Variants in NEDD1 observed in about 807,000 individuals in gnomAD.
NEDD1 encodes the protein protein NEDD1.
NEDD1 carries 33 observed loss-of-function variants against 74.0 expected under a neutral mutation model. The observed-to-expected ratio is 0.45, with a 90% CI of 0.34 to 0.60. The LOEUF is 0.60. Among genes scored for constraint, NEDD1 ranks in the 20% least tolerant of loss-of-function variants. NEDD1 has a pLI of 0.01. For synonymous variants in NEDD1, 250 were observed against 264.4 expected (o/e 0.95, Z 0.53); for missense variants, 746 against 776.5 (o/e 0.96, Z 0.47).
intron 6 of NEDD1, among the ~76,000 whole-genome samples, chr12:96,922,858 T>C (rs1875251281): frequency 6.6e-6 from 1 of 152,172 alleles, no homozygotes; most frequent in African/African-American, 2.4e-5. Context: ...TGGCTACCTG[T>C]AATCTCAGCA....
At chr12:96,915,637 G>C (rs1874358569) in intron 4 of NEDD1, among the ~76,000 whole-genome samples, 1 of 152,172 alleles carries the variant, frequency 6.6e-6, no homozygotes, top group African/African-American at 2.4e-5. Flanking sequence ...CAACTAATGT[G>C]ACTTCGTAGT....
At chr12:96,925,872 A>G (rs1415540043) in intron 6 of NEDD1, among the ~76,000 whole-genome samples, 1 of 152,170 alleles carries the variant, frequency 6.6e-6, no homozygotes, top group Non-Finnish European at 1.5e-5. Flanking sequence ...GCATCTCTGT[A>G]GGATCTTCTG....
intron 4 of NEDD1, among the ~76,000 whole-genome samples, chr12:96,913,167 C>T (rs1874095534): frequency 6.6e-6 from 1 of 152,040 alleles, no homozygotes; most frequent in Non-Finnish European, 1.5e-5. Flanking sequence ...TCTAATGACA[C>T]AGCACTGCTT....
intron 8 of NEDD1, 55 bp from the exon 9 acceptor site, chr12:96,937,143 T>C: frequency 2.1e-6 from 2 of 940,102 alleles, no homozygotes; most frequent in Non-Finnish European, 1.5e-6. Flanking sequence ...AAAATATTAA[T>C]GTATAGTATG....
rs1294841948 is a variant in NEDD1 at position 96,930,816 on chromosome 12, A to G, written c.490-4160A>G. 5.3e-5 allele frequency among the ~76,000 whole-genome samples: 8 copies of G among 152,106 alleles called. No homozygotes were observed. The East Asian group carries it at 1.2e-3, about 22-fold the overall frequency. On this transcript the variant is annotated intron_variant, in intron 6 of 15. Coordinates refer to ENST00000266742, the MANE Select transcript of NEDD1 (RefSeq NM_152905.4). Reference sequence around the variant, plus strand: ...GTCTCAGGCCTGCTTTTCTACATACACATACACACACATACATGCACACAC... The same window carrying G: ...GTCTCAGGCCTGCTTTTCTACATACGCATACACACACATACATGCACACAC...
In NEDD1 at chr12:96,940,545, T is replaced by A. The variant is rs182038373; in HGVS notation, c.1246+8T>A. ...TCTCACCTATCAGAGATGGTAAGTCTGTTCAGAGGATCCTGTTCTCTTGCT... is the reference window on the plus strand; with the variant it reads ...TCTCACCTATCAGAGATGGTAAGTCAGTTCAGAGGATCCTGTTCTCTTGCT... On this transcript the variant is annotated splice_region_variant and intron_variant, in intron 10 of 15. Transcript: ENST00000266742. 6.3e-6 allele frequency: 10 copies of A among 1,586,070 alleles called. No individual in the cohort carries two copies. Among genetic ancestry groups the A allele is most frequent in the Non-Finnish European group, 8.6e-6 (10 of 1,161,868 alleles).
intron 3 of NEDD1, among the ~76,000 whole-genome samples, chr12:96,910,438 A>G (rs1443153351): frequency 6.6e-6 from 1 of 152,242 alleles, no homozygotes; most frequent in Admixed American, 6.5e-5. Flanking sequence ...CTAAACAGAC[A>G]TAGTAAAGTT....
chr12:96,942,682 C>G (rs1592924620), intron 11 of NEDD1, 58 bp downstream of exon 11: 1 of 836,786 alleles, frequency 1.2e-6, no homozygotes, highest in African/African-American at 1.7e-5. Flanking sequence ...ATTATCTATG[C>G]TGTGTAACAA....
At chr12:96,944,277 C>G (rs1039166323) in intron 12 of NEDD1, among the ~76,000 whole-genome samples, 1 of 151,788 alleles carries the variant, frequency 6.6e-6, no homozygotes, top group African/African-American at 2.4e-5. Flanking sequence ...GAAAAGATAC[C>G]ATGTAAGAAG....
Position 96,944,755 on chromosome 12 carries a change from G to C in NEDD1, c.1614G>C (p.Gln538His), listed in dbSNP as rs1878026543. Reference protein sequence around the residue: ...FEKPENEIEAQLICEPPINGS... With the variant: ...FEKPENEIEAHLICEPPINGS... The stretch of plus-strand genomic sequence containing the variant: ...AGCCAGAGAATGAAATTGAAGCCCA[G>C]TTGATATGTGAACCCCCAATCAATG... Residue 538 changes from glutamine (Q) to histidine (H), a missense_variant, in exon 13 of 16, where the codon CAG becomes CAC. By Grantham distance (24) the Gln-to-His change is conservative. This residue lies in a region of NEDD1 where 706 missense variants were observed against 706.7 expected (regional missense o/e 1.00). Transcript: ENST00000266742. 1 of 1,587,032 alleles carries C rather than the reference G, an allele frequency of 6.3e-7. No individual in the cohort carries two copies. The highest frequency in any genetic ancestry group is 1.4e-5 in the African/African-American group (1 of 73,022).
intron 5 of NEDD1, among the ~76,000 whole-genome samples, chr12:96,919,094 T>C (rs993353410): frequency 1.3e-5 from 2 of 152,234 alleles, no homozygotes; most frequent in Non-Finnish European, 2.9e-5. Context: ...TTAAAAACTC[T>C]TCTCCCAATT....
At position 96,909,732 on chromosome 12, in the gene NEDD1, T is replaced by C. The variant is rs201744935; in HGVS notation, c.-8-20T>C. 5 of 1,586,446 alleles carry C rather than the reference T, an allele frequency of 3.2e-6. No individual in the cohort carries two copies. In the South Asian group the frequency reaches 3.4e-5, roughly 11 times the overall value. On this transcript the variant is annotated intron_variant, in intron 2 of 15. Transcript: ENST00000266742. ...TATTCTTAAATGTTTTTAAAATACA[T>C]TGTTTTAAACTATTTGTAGGCGCAG...
At chr12:96,910,055 T>C (rs998070158) in intron 3 of NEDD1, among the ~76,000 whole-genome samples, 160 bp downstream of exon 3, 1 of 152,194 alleles carries the variant, frequency 6.6e-6, no homozygotes, top group Admixed American at 6.5e-5. Flanking sequence ...TACAAAACAA[T>C]ATATCATATG....
rs1234666702 is a variant in NEDD1, at chr12:96,943,610, C to T, written c.1345C>T (p.Pro449Ser). The T allele has an allele frequency of 1.2e-6, 2 of 1,613,182 alleles. No individual in the cohort carries two copies. Among genetic ancestry groups the T allele is most frequent in the Admixed American group, 1.7e-5 (1 of 59,976 alleles). ...CTCAGTGTTTCCTCCAAGAAAAAATCCAGTAACTTCAAGTACTTCAGTATT... is the reference window on the plus strand; with the variant it reads ...CTCAGTGTTTCCTCCAAGAAAAAATTCAGTAACTTCAAGTACTTCAGTATT... ...LNSVFPPRKNPVTSSTSVLHS... is the reference protein window; with the variant it reads ...LNSVFPPRKNSVTSSTSVLHS... The change falls in exon 12 of 16, where the codon CCA becomes TCA. Residue 449 changes from proline (P) to serine (S), a missense_variant. Coordinates refer to ENST00000266742, the MANE Select transcript of NEDD1 (RefSeq NM_152905.4).
chr12:96,907,595 T>A lies in NEDD1; in HGVS notation c.-261-9T>A. 1 of 1,551,064 alleles carries A rather than the reference T, an allele frequency of 6.4e-7. No individual in the cohort carries two copies. The highest frequency in any genetic ancestry group is 8.7e-7 in the Non-Finnish European group (1 of 1,146,430). Reference sequence around the variant, plus strand: ...TTTTTGTCAACCTCAAGTACTTTTCTTTTGGCAGGTACTTGGATGCATTTT... The same window carrying A: ...TTTTTGTCAACCTCAAGTACTTTTCATTTGGCAGGTACTTGGATGCATTTT... On this transcript the variant is annotated splice_polypyrimidine_tract_variant and intron_variant, in intron 1 of 15. Coordinates refer to ENST00000266742, the MANE Select transcript of NEDD1 (RefSeq NM_152905.4).
rs926240535 is a variant in NEDD1 at position 96,932,380 on chromosome 12, G to A, written c.490-2596G>A. On this transcript the variant is annotated intron_variant, in intron 6 of 15. Transcript: ENST00000266742. ...CCAGCACTTTGGGAAGCTGAGGCAG[G>A]TGGAGTGCTTGAGTCCAGGAGTTTG... 2.9e-5 allele frequency among the ~76,000 whole-genome samples: 4 copies of A among 136,542 alleles called. No individual in the cohort carries two copies. In the East Asian group the frequency reaches 6.5e-4, roughly 22 times the overall value. The allele number at this position is 136,542 out of a possible 152,430, so 89.6% of individuals were successfully genotyped here.
At chr12:96,932,461 A>AT (rs60535832) in intron 6 of NEDD1, among the ~76,000 whole-genome samples, 2 of 12,254 alleles carry the variant, frequency 1.6e-4, no homozygotes, top group African/African-American at 2.4e-4. Flanking sequence ...AAAAAAAAAA[A>AT]AAATATATAT....
At chr12:96,938,138 T>TA (rs1254255748) in intron 9 of NEDD1, among the ~76,000 whole-genome samples, 3 of 151,998 alleles carry the variant, frequency 2.0e-5, no homozygotes, top group Admixed American at 6.6e-5. Context: ...TGTTTTTTTT[T>TA]AGCATGATTT....
chr12:96,910,836 TAAC>T (rs1873846410), intron 3 of NEDD1, among the ~76,000 whole-genome samples: 2 of 152,244 alleles, frequency 1.3e-5, no homozygotes, highest in African/African-American at 4.8e-5. Context: ...CGCTATTTCT[TAAC>T]AAATTAAGAT....
Sources: gnomAD v4.1 joint callset for allele counts (sites outside exome capture counted in the v4.1 genomes callset) on GRCh38, gnomAD v4.1.1 for gene constraint, gnomAD v4.1.1 regional missense constraint, MANE v1.5 for transcripts, NCBI Gene and HGNC (gene_info 2026-07-23, HGNC 2026-07-21) for gene names.